The following PAK3 variants were observed in gnomAD, a reference collection of about 807,000 sequenced individuals.
PAK3 encodes serine/threonine-protein kinase PAK 3.
Under a neutral mutation model 41.0 loss-of-function variants are expected in PAK3, and 4 were observed. That is an observed-to-expected ratio of 0.10 (90% CI 0.05 to 0.22). The LOEUF (loss-of-function observed/expected upper bound fraction) is 0.22, where lower values mean the gene tolerates loss of function less well. Among genes scored for constraint, PAK3 ranks in the 10% least tolerant of loss-of-function variants. PAK3 has a pLI of 1.00. For synonymous variants in PAK3, 146 were observed against 139.6 expected, an observed-to-expected ratio of 1.05 and a Z score of -0.32; for missense variants, 205 against 409.9, an observed-to-expected ratio of 0.50 and a Z score of 4.32.
At chrX:111,192,971 G>A (rs2094573971) in intron 13 of PAK3, among the ~76,000 whole-genome samples, 1 of 112,118 alleles carries the variant, frequency 8.9e-6, no homozygotes, top group Non-Finnish European at 1.9e-5. Context: ...GAAGAAGGCT[G>A]ACTACAATGG....
At chrX:111,173,570 A>G (rs754664763) in intron 11 of PAK3, among the ~76,000 whole-genome samples, 7 of 111,308 alleles carry the variant, frequency 6.3e-5, no homozygotes, top group African/African-American at 2.0e-4. Flanking sequence ...GGAAACAGAC[A>G]ATAATCCCTA....
chrX:111,125,514 G>T (rs1276835649), intron 5 of PAK3, among the ~76,000 whole-genome samples: 2 of 111,432 alleles, frequency 1.8e-5, no homozygotes, highest in African/African-American at 6.5e-5. Flanking sequence ...AGAAACAGGA[G>T]CAAAATTTTT....
intron 5 of PAK3, among the ~76,000 whole-genome samples, chrX:111,131,112 C>G (rs924246535): frequency 1.8e-5 from 2 of 111,797 alleles, no homozygotes; most frequent in Non-Finnish European, 3.8e-5. Flanking sequence ...TTTACAGAAG[C>G]AAGTAGAACC....
At chrX:111,153,131 TTATAA>T (rs1194160616) in intron 8 of PAK3, among the ~76,000 whole-genome samples, 4 of 112,248 alleles carry the variant, frequency 3.6e-5, no homozygotes, top group Non-Finnish European at 5.6e-5. Context: ...CAGTGTACAC[TTATAA>T]TATAAACTGT....
intron 3 of PAK3, among the ~76,000 whole-genome samples, chrX:111,101,735 G>A (rs1410862350): frequency 8.9e-6 from 1 of 111,861 alleles, no homozygotes; most frequent in Non-Finnish European, 1.9e-5. Context: ...AGCTCACGTA[G>A]GGAGGGAGGG....
At chrX:111,148,593 G>A (rs1463712927) in intron 7 of PAK3, among the ~76,000 whole-genome samples, 1 of 111,162 alleles carries the variant, frequency 9.0e-6, no homozygotes, top group Non-Finnish European at 1.9e-5. Context: ...AATCATGGTG[G>A]GAAGTGAAAA....
At chrX:110,982,826 A>G (rs1339936662) in intron 1 of PAK3, among the ~76,000 whole-genome samples, 1 of 110,957 alleles carries the variant, frequency 9.0e-6, no homozygotes, top group Non-Finnish European at 1.9e-5. Context: ...ACTCATCTAG[A>G]TCATCAGTGA....
intron 1 of PAK3, among the ~76,000 whole-genome samples, chrX:111,004,768 C>T (rs138234904): frequency 1.8e-3 from 207 of 112,194 alleles, no homozygotes; most frequent in African/African-American, 6.0e-3. Flanking sequence ...TAAGGAATTT[C>T]CTAATGGTTG....
At chrX:111,009,008 G>C in intron 1 of PAK3, among the ~76,000 whole-genome samples, 1 of 110,448 alleles carries the variant, frequency 9.1e-6, no homozygotes, top group East Asian at 2.9e-4. Flanking sequence ...ATGGTACTGA[G>C]AGCCCCTGAG....
chrX:111,017,773 G>C (rs2092113057), intron 1 of PAK3, among the ~76,000 whole-genome samples: 1 of 111,550 alleles, frequency 9.0e-6, no homozygotes, highest in Non-Finnish European at 1.9e-5. Context: ...AAGCTAGAAA[G>C]AGACACTGCA....
At chrX:111,054,792 T>A (rs886842583) in intron 1 of PAK3, among the ~76,000 whole-genome samples, 2 of 111,539 alleles carry the variant, frequency 1.8e-5, no homozygotes, top group African/African-American at 6.5e-5. Flanking sequence ...GCAAACCCCC[T>A]GCCTCCACCA....
intron 1 of PAK3, chrX:110,944,667 G>A (rs1362255083): frequency 1.8e-5 from 2 of 112,408 alleles, no homozygotes; most frequent in East Asian, 5.7e-4. Flanking sequence ...GGCTGCTGGA[G>A]CTCTTGTGGC....
chrX:111,219,450 T>G, intron 17 of PAK3, among the ~76,000 whole-genome samples: 1 of 110,456 alleles, frequency 9.1e-6, no homozygotes, highest in Non-Finnish European at 1.9e-5. Flanking sequence ...TTTAACCATT[T>G]TAATAAACAG....
intron 5 of PAK3, among the ~76,000 whole-genome samples, chrX:111,124,876 A>AC (rs1203261992): frequency 1.7e-4 from 2 of 11,822 alleles, no homozygotes; most frequent in Non-Finnish European, 5.0e-3. Context: ...TACTTAAAAG[A>AC]AAAAAAAATA....
At chrX:111,132,710 A>T (rs2149048323) in intron 5 of PAK3, among the ~76,000 whole-genome samples, 1 of 111,667 alleles carries the variant, frequency 9.0e-6, no homozygotes, top group East Asian at 2.8e-4. Context: ...TAGCTATCTC[A>T]GTTTAAAAGT....
chrX:111,025,347 A>G lies in PAK3; in HGVS notation c.-28+80719A>G, dbSNP rs113355140. Among the ~76,000 whole-genome samples the G allele has an allele frequency of 6.7e-3, 750 of 111,577 alleles. 4 individuals carry two copies. The highest frequency in any genetic ancestry group is 0.011 in the Non-Finnish European group (594 of 53,028). ...AAAAAATACAAAAGATAAATGAAACAAAAAGCTGGTTATTTGAAAAGATAA... is the reference window on the plus strand; with the variant it reads ...AAAAAATACAAAAGATAAATGAAACGAAAAGCTGGTTATTTGAAAAGATAA... On this transcript the variant is annotated intron_variant, in intron 1 of 14. Transcript: ENST00000425146.
chrX:110,951,605 G>A (rs1192510392), intron 1 of PAK3, among the ~76,000 whole-genome samples: 1 of 112,204 alleles, frequency 8.9e-6, no homozygotes, highest in African/African-American at 3.2e-5. Context: ...TCAAATGCTA[G>A]GCTGAAATTC....
chrX:111,070,964 C>T (rs1268412297), intron 1 of PAK3, among the ~76,000 whole-genome samples: 1 of 112,181 alleles, frequency 8.9e-6, no homozygotes, highest in Non-Finnish European at 1.9e-5. Flanking sequence ...ATGACACATT[C>T]CTGTTTGCCG....
intron 1 of PAK3, among the ~76,000 whole-genome samples, chrX:111,072,947 C>A (rs1160451075): frequency 8.9e-6 from 1 of 111,850 alleles, no homozygotes; most frequent in Non-Finnish European, 1.9e-5. Flanking sequence ...AAGGGGCATT[C>A]CTACCCTTCT....
Sources: allele counts gnomAD v4.1 joint callset (sites outside exome capture counted in the v4.1 genomes callset), GRCh38; gene constraint gnomAD v4.1.1; transcripts MANE v1.5; gene names NCBI Gene and HGNC (gene_info 2026-07-23, HGNC 2026-07-21).